TRAPPC13: variants seen among roughly 807,000 people sequenced by gnomAD.
TRAPPC13 encodes trafficking protein particle complex subunit 13.
Under a neutral mutation model 54.0 loss-of-function variants are expected in TRAPPC13, and 39 were observed. That is an observed-to-expected ratio of 0.72 (90% CI 0.56 to 0.94). The LOEUF (loss-of-function observed/expected upper bound fraction) is 0.94, where lower values mean the gene tolerates loss of function less well. Ranked by LOEUF, TRAPPC13 falls within the 40% of genes least tolerant of loss-of-function variation. The pLI is 0.00. For synonymous variants in TRAPPC13, 148 were observed against 167.7 expected, an observed-to-expected ratio of 0.88 and a Z score of 0.91; for missense variants, 386 against 488.1, an observed-to-expected ratio of 0.79 and a Z score of 1.97.
chr5:65,625,177 T>G, intron 1 of TRAPPC13, 71 bp downstream of exon 1: 1 of 1,293,922 alleles, frequency 7.7e-7, no homozygotes, highest in Non-Finnish European at 1.1e-6. Flanking sequence ...GCCTTTGCCA[T>G]GTAGGCCTCA....
At chr5:65,637,607 G>A (rs1354024636) in intron 3 of TRAPPC13, 89 bp from the exon 4 acceptor site, 23 of 673,048 alleles carry the variant, frequency 3.4e-5, no homozygotes, top group Non-Finnish European at 4.4e-5. Flanking sequence ...CTCCAGCCTG[G>A]GTGACAGAGC....
intron 4 of TRAPPC13, among the ~76,000 whole-genome samples, chr5:65,644,334 G>A (rs1756099049): frequency 6.6e-6 from 1 of 152,072 alleles, no homozygotes; most frequent in South Asian, 2.1e-4. Flanking sequence ...CTGCCACAAT[G>A]CCTGGCCAAT....
chr5:65,632,779 A>G (rs752911984), intron 1 of TRAPPC13, among the ~76,000 whole-genome samples: 6 of 152,226 alleles, frequency 3.9e-5, no homozygotes, highest in Non-Finnish European at 7.3e-5. Context: ...GAGTAACTTC[A>G]GAAATTTTAA....
At chr5:65,661,310 C>T (rs1489279360) in intron 10 of TRAPPC13, 1 of 153,708 alleles carries the variant, frequency 6.5e-6, no homozygotes, top group Non-Finnish European at 1.4e-5. Context: ...GAGGCATCTC[C>T]TCAGAAGGTG....
chr5:65,643,537 G>A (rs992760923), intron 4 of TRAPPC13, among the ~76,000 whole-genome samples: 1 of 151,548 alleles, frequency 6.6e-6, no homozygotes, highest in Non-Finnish European at 1.5e-5. Flanking sequence ...CTGCTGTTTC[G>A]GCTGGGTGGG....
intron 5 of TRAPPC13, among the ~76,000 whole-genome samples, chr5:65,648,084 C>A (rs1485663610): frequency 1.3e-5 from 2 of 152,152 alleles, no homozygotes; most frequent in East Asian, 3.8e-4. Context: ...AAGCTCTCTG[C>A]AACCTAATTC....
At chr5:65,632,735 C>T (rs1418783200) in intron 1 of TRAPPC13, among the ~76,000 whole-genome samples, 1 of 152,152 alleles carries the variant, frequency 6.6e-6, no homozygotes, top group Non-Finnish European at 1.5e-5. Context: ...TAATGCCTGG[C>T]GCTAGTAAAT....
chr5:65,661,014 AC>A (rs770461238), intron 10 of TRAPPC13, 117 bp downstream of exon 10: 6 of 760,734 alleles, frequency 7.9e-6, no homozygotes, highest in Non-Finnish European at 1.3e-5. Context: ...AGGCATTACT[AC>A]TACTGGAGCA....
intron 1 of TRAPPC13, among the ~76,000 whole-genome samples, chr5:65,626,931 A>G (rs1355976407): frequency 5.9e-5 from 9 of 152,004 alleles, no homozygotes. Flanking sequence ...ACTTGAGATC[A>G]GGAGTTGACA....
chr5:65,654,845 A>G (rs1055718540), intron 7 of TRAPPC13, among the ~76,000 whole-genome samples: 1 of 152,222 alleles, frequency 6.6e-6, no homozygotes, highest in Non-Finnish European at 1.5e-5. Flanking sequence ...GTCACCTGCC[A>G]GGTACCGAAG....
intron 9 of TRAPPC13, among the ~76,000 whole-genome samples, chr5:65,659,967 C>CAAAAAAAAAAAAAAAAA (rs141876171): frequency 8.4e-5 from 8 of 95,228 alleles, no homozygotes; most frequent in Admixed American, 1.3e-4. Context: ...GTATTTTAAA[C>CAAAAAAAAAAAAAAAAA]AAAAAAAAAA....
intron 9 of TRAPPC13, among the ~76,000 whole-genome samples, chr5:65,660,151 G>A (rs773929026): frequency 2.6e-5 from 4 of 151,774 alleles, no homozygotes; most frequent in Non-Finnish European, 4.4e-5. Context: ...TTTTCTAGAT[G>A]TTTTAGTTCA....
intron 9 of TRAPPC13, among the ~76,000 whole-genome samples, chr5:65,658,993 T>TA (rs1226985868): frequency 1.3e-5 from 2 of 152,206 alleles, no homozygotes; most frequent in East Asian, 3.8e-4. Context: ...GTGCTGTCCT[T>TA]ACAGGCGTGA....
chr5:65,629,526 T>C, intron 1 of TRAPPC13: 1 of 1,454,390 alleles, frequency 6.9e-7, no homozygotes, highest in Admixed American at 2.6e-5. Context: ...ATTAACATTC[T>C]AGCTCTGAGG....
At chr5:65,630,325 T>A in intron 1 of TRAPPC13, 1 of 1,514,658 alleles carries the variant, frequency 6.6e-7, no homozygotes, top group Non-Finnish European at 8.8e-7. Flanking sequence ...AATATGGTGT[T>A]ATTTTTAGTA....
At chr5:65,643,159 G>A (rs1339500060) in intron 4 of TRAPPC13, among the ~76,000 whole-genome samples, 2 of 151,538 alleles carry the variant, frequency 1.3e-5, no homozygotes, top group Non-Finnish European at 2.9e-5. Flanking sequence ...TAGGGGGAAA[G>A]GCTTTTTTTT....
chr5:65,655,221 A>G (rs1469584492), intron 7 of TRAPPC13, among the ~76,000 whole-genome samples: 1 of 152,228 alleles, frequency 6.6e-6, no homozygotes, highest in African/African-American at 2.4e-5. Context: ...CCATTATTAC[A>G]TAAATTTAAG....
chr5:65,664,309 A>C lies in TRAPPC13; in HGVS notation c.1071A>C (p.Arg357Ser). The change falls in exon 12 of 13, where the codon AGA (arginine) becomes AGC (serine). Residue 357 changes from arginine to serine, a missense_variant. Physicochemically the swap from Arg to Ser is moderately radical, Grantham distance 110. Coordinates refer to ENST00000399438, the MANE Select transcript of TRAPPC13 (RefSeq NM_024941.4). ...NSIHWCGISG[R>S]QLGKLHPSSS... ...TCCACTGGTGTGGAATTTCAGGAAG[A>C]CAGCTGGGAAAGCTGCATCCAAGTT... The C allele has an allele frequency of 1.2e-6, 2 of 1,613,990 alleles. No individual in the cohort carries two copies.
At chr5:65,663,327 A>C (rs1286846003) in intron 11 of TRAPPC13, 1 of 152,080 alleles carries the variant, frequency 6.6e-6, no homozygotes, top group Non-Finnish European at 1.5e-5. Context: ...CTGCCCCTAC[A>C]CACCAGGGAC....
Sources: allele counts gnomAD v4.1 joint callset (sites outside exome capture counted in the v4.1 genomes callset), GRCh38; gene constraint gnomAD v4.1.1; transcripts MANE v1.5; gene names NCBI Gene and HGNC (gene_info 2026-07-23, HGNC 2026-07-21).